Variants in SLC27A6 observed in about 807,000 individuals in gnomAD.
The protein encoded by SLC27A6 is long-chain fatty acid transport protein 6.
In SLC27A6, 74 loss-of-function variants were observed where a neutral mutation model predicts 63.9. The observed-to-expected ratio is 1.16, with a 90% CI of 0.96 to 1.40. The LOEUF is 1.40. Ranked by LOEUF, SLC27A6 falls within the 40% of genes most tolerant of loss-of-function variation. SLC27A6 has a pLI of 0.00. For missense variants in SLC27A6, 794 were observed against 732.9 expected (o/e 1.08, Z -0.96); for synonymous variants, 287 against 260.8 (o/e 1.10, Z -0.97).
chr5:128,998,206 C>A (rs904169054), intron 4 of SLC27A6, among the ~76,000 whole-genome samples: 1 of 151,550 alleles, frequency 6.6e-6, no homozygotes, highest in Non-Finnish European at 1.5e-5. Flanking sequence ...GTGGCAGGAT[C>A]ATTTGCACCC....
rs1447721443 is a variant in SLC27A6 at position 129,033,129 on chromosome 5, A to G, written c.1707A>G (p.Thr569=). ...AGGAAAAAATGGAAGCAACAGGAAC[A>G]TTCAAACTATTGAAGCATCAGTTGG... ...RIQEKMEATG[T]FKLLKHQLVE... Residue 569 remains threonine, a synonymous_variant, in exon 10 of 10, where the codon ACA becomes ACG. Transcript: ENST00000262462. The G allele has an allele frequency of 1.2e-6, 2 of 1,607,650 alleles. No individual in the cohort carries two copies. Among genetic ancestry groups the G allele is most frequent in the Non-Finnish European group, 1.7e-6 (2 of 1,176,726 alleles).
At chr5:128,974,534 G>A (rs1750309622) in intron 1 of SLC27A6, among the ~76,000 whole-genome samples, 1 of 152,152 alleles carries the variant, frequency 6.6e-6, no homozygotes, top group Admixed American at 6.5e-5. Context: ...GTTGGCATCT[G>A]GAGTCTCATT....
At chr5:129,012,863 G>A (rs1019590396) in intron 4 of SLC27A6, among the ~76,000 whole-genome samples, 1 of 151,742 alleles carries the variant, frequency 6.6e-6, no homozygotes, top group African/African-American at 2.4e-5. Context: ...ACAGGATATA[G>A]TTGAGTTTTA....
At chr5:129,032,908 A>G (rs543294081) in intron 9 of SLC27A6, among the ~76,000 whole-genome samples, 198 bp from the exon 10 acceptor site, 1 of 152,110 alleles carries the variant, frequency 6.6e-6, no homozygotes, top group East Asian at 1.9e-4. Flanking sequence ...ATATTTAAGT[A>G]AAGTTTACAG....
intron 4 of SLC27A6, among the ~76,000 whole-genome samples, chr5:128,997,116 G>A (rs914735279): frequency 8.6e-5 from 13 of 151,822 alleles, no homozygotes; most frequent in African/African-American, 3.1e-4. Flanking sequence ...ACATAGTTTT[G>A]GAAAACTTTT....
chr5:128,980,916 G>C lies in SLC27A6; in HGVS notation c.482-4217G>C, dbSNP rs73784805. Among the ~76,000 whole-genome samples, 9 of 152,232 alleles carry C rather than the reference G, an allele frequency of 5.9e-5. No individual in the cohort carries two copies. In the East Asian group the frequency reaches 1.5e-3, roughly 26 times the overall value. ...TATAACTCATACTAATGGCATATTA[G>C]AGGGATACATAAAATTTTTACCCAT... On this transcript the variant is annotated intron_variant, in intron 1 of 9. Coordinates refer to ENST00000262462, the MANE Select transcript of SLC27A6 (RefSeq NM_001017372.3).
intron 3 of SLC27A6, 111 bp from the exon 4 acceptor site, chr5:128,990,229 A>C: frequency 2.8e-6 from 3 of 1,077,312 alleles, no homozygotes; most frequent in South Asian, 3.3e-5. Context: ...TGAGTTATTA[A>C]AGTTTTAAAA....
At chr5:129,018,699 A>G (rs1290854421) in intron 5 of SLC27A6, among the ~76,000 whole-genome samples, 2 of 152,078 alleles carry the variant, frequency 1.3e-5, no homozygotes, top group East Asian at 3.8e-4. Context: ...CAAGGGTATG[A>G]TGATTTGTAT....
intron 4 of SLC27A6, among the ~76,000 whole-genome samples, chr5:128,998,948 G>A (rs543161140): frequency 1.3e-5 from 2 of 152,208 alleles, no homozygotes; most frequent in South Asian, 4.1e-4. Context: ...AGGATTTAAT[G>A]ACAACTTTTC....
At chr5:129,031,489 C>T (rs2150157608) in intron 9 of SLC27A6, among the ~76,000 whole-genome samples, 1 of 151,978 alleles carries the variant, frequency 6.6e-6, no homozygotes, top group African/African-American at 2.4e-5. Flanking sequence ...TTGTTATAAC[C>T]TCTCTAGAAA....
intron 3 of SLC27A6, 62 bp downstream of exon 3, chr5:128,988,820 A>G (rs1750878825): frequency 7.5e-7 from 1 of 1,329,704 alleles, no homozygotes; most frequent in Non-Finnish European, 1.1e-6. Context: ...ACAAGTATTT[A>G]TTAACATTTG....
intron 4 of SLC27A6, among the ~76,000 whole-genome samples, chr5:129,001,700 G>C (rs540309448): frequency 4.9e-4 from 75 of 152,160 alleles, no homozygotes; most frequent in African/African-American, 1.8e-3. Context: ...ACATTCTTTT[G>C]TTTCATGAAA....
At chr5:129,009,491 G>A (rs1177938530) in intron 4 of SLC27A6, among the ~76,000 whole-genome samples, 1 of 151,990 alleles carries the variant, frequency 6.6e-6, no homozygotes, top group Non-Finnish European at 1.5e-5. Flanking sequence ...TTAAAGTATT[G>A]TAAAGAAGTG....
chr5:129,017,575 TG>T (rs1313810350), intron 5 of SLC27A6, among the ~76,000 whole-genome samples: 1 of 152,042 alleles, frequency 6.6e-6, no homozygotes, highest in Non-Finnish European at 1.5e-5. Flanking sequence ...TGTTTGGTGA[TG>T]AATACAAAAA....
In SLC27A6 at chr5:129,027,591, G is replaced by C. The variant is rs530816591; in HGVS notation, c.1454+260G>C. On this transcript the variant is annotated intron_variant, in intron 7 of 9. Transcript: ENST00000262462. The stretch of plus-strand genomic sequence containing the variant: ...CCTTTTTAAGGAAATAAAACTGGCA[G>C]ACAGATGTAAAATATAAATGGTAGG... Among the ~76,000 whole-genome samples, 6 of 152,218 alleles carry C rather than the reference G, an allele frequency of 3.9e-5. No individual in the cohort carries two copies. The South Asian group carries it at 1.2e-3, about 32-fold the overall frequency.
chr5:129,029,059 G>T (rs868818749), intron 8 of SLC27A6, among the ~76,000 whole-genome samples: 2 of 152,060 alleles, frequency 1.3e-5, no homozygotes, highest in African/African-American at 4.8e-5. Context: ...TTAATAAATA[G>T]CCACTGAGTG....
At chr5:128,973,853 C>T (rs996500934) in intron 1 of SLC27A6, among the ~76,000 whole-genome samples, 4 of 152,194 alleles carry the variant, frequency 2.6e-5, no homozygotes, top group African/African-American at 4.8e-5. Flanking sequence ...TCTTCTGCGT[C>T]GCTCACGCTA....
intron 1 of SLC27A6, among the ~76,000 whole-genome samples, chr5:128,969,652 G>A (rs1435352873): frequency 6.6e-6 from 1 of 152,198 alleles, no homozygotes; most frequent in Non-Finnish European, 1.5e-5. Context: ...ATCAGCTTAA[G>A]GAGATTTTGG....
At chr5:128,983,546 C>T (rs1273784177) in intron 1 of SLC27A6, among the ~76,000 whole-genome samples, 3 of 152,060 alleles carry the variant, frequency 2.0e-5, no homozygotes, top group South Asian at 2.1e-4. Context: ...CCACCTGCTT[C>T]GGCCTCCCAA....
Sources: gnomAD v4.1 joint callset for allele counts (sites outside exome capture counted in the v4.1 genomes callset) on GRCh38, gnomAD v4.1.1 for gene constraint, MANE v1.5 for transcripts, NCBI Gene and HGNC (gene_info 2026-07-23, HGNC 2026-07-21) for gene names.